ZDHHC13: variants seen among roughly 807,000 people sequenced by gnomAD.
ZDHHC13 encodes the protein palmitoyltransferase ZDHHC13.
A neutral mutation model predicts 86.0 loss-of-function variants in ZDHHC13; 85 were observed. The observed-to-expected ratio is 0.99, with a 90% CI of 0.83 to 1.18. The LOEUF (loss-of-function observed/expected upper bound fraction) is 1.18. Among genes scored for constraint, ZDHHC13 ranks in the 50% most tolerant of loss-of-function variants. ZDHHC13 has a pLI of 0.00. For synonymous variants in ZDHHC13, 263 were observed against 246.4 expected (o/e 1.07, Z -0.63); for missense variants, 711 against 730.2 (o/e 0.97, Z 0.30).
intron 13 of ZDHHC13, 104 bp downstream of exon 13, chr11:19,165,249 T>G: frequency 9.5e-7 from 1 of 1,051,892 alleles, no homozygotes; most frequent in Non-Finnish European, 1.4e-6. Context: ...TTTTCAATAT[T>G]CTAGTATTCC....
intron 1 of ZDHHC13, among the ~76,000 whole-genome samples, chr11:19,125,721 C>T (rs7129212): frequency 0.63 from 96,311 of 152,034 alleles, 31,792 homozygotes; most frequent in Admixed American, 0.75. Context: ...TTATCTGTGA[C>T]GCACCCATAT....
chr11:19,118,544 C>G (rs1848695300), intron 1 of ZDHHC13, among the ~76,000 whole-genome samples: 2 of 152,218 alleles, frequency 1.3e-5, no homozygotes, highest in Admixed American at 1.3e-4. Flanking sequence ...ATTACTGCCA[C>G]TCATTTACAG....
Position 19,147,678 on chromosome 11 carries a change from G to T in ZDHHC13, c.374+5G>T. On this transcript the variant is annotated splice_donor_5th_base_variant and intron_variant, in intron 4 of 16. Transcript: ENST00000446113. ...TCCTCTTCACTGGGCCATCCGGTAA[G>T]GTTTCTTTGAACACTGAAATTAAAT... The T allele has an allele frequency of 6.3e-7, 1 of 1,588,638 alleles. No individual in the cohort carries two copies. Among genetic ancestry groups the T allele is most frequent in the East Asian group, 2.3e-5 (1 of 44,168 alleles).
In ZDHHC13 at chr11:19,136,258, G is replaced by T. The variant is rs544015594; in HGVS notation, c.28-6720G>T. Reference sequence around the variant, plus strand: ...CTGATGGAGCTGAAAACCAAGGCTCGAGAACTACATGAAGAATGCAGAAGC... The same window carrying T: ...CTGATGGAGCTGAAAACCAAGGCTCTAGAACTACATGAAGAATGCAGAAGC... On this transcript the variant is annotated intron_variant, in intron 1 of 16. Transcript: ENST00000446113. Among the ~76,000 whole-genome samples the T allele has an allele frequency of 3.9e-5, 6 of 152,240 alleles. No individual in the cohort carries two copies. The East Asian group carries it at 1.2e-3, about 29-fold the overall frequency.
intron 9 of ZDHHC13, 136 bp downstream of exon 9, chr11:19,156,065 G>A: frequency 8.9e-7 from 1 of 1,118,638 alleles, no homozygotes; most frequent in Non-Finnish European, 1.2e-6. Context: ...TCCTGCGGGT[G>A]GATGGGAGGA....
At chr11:19,143,548 T>C (rs1849380231) in intron 2 of ZDHHC13, among the ~76,000 whole-genome samples, 3 of 152,236 alleles carry the variant, frequency 2.0e-5, no homozygotes, top group Admixed American at 2.0e-4. Context: ...ACTTACACAT[T>C]TATAGATATT....
intron 1 of ZDHHC13, among the ~76,000 whole-genome samples, chr11:19,132,856 T>C (rs868727712): frequency 5.3e-5 from 8 of 152,208 alleles, no homozygotes; most frequent in African/African-American, 1.9e-4. Context: ...TGTTCACTTT[T>C]CTAGGTTTCT....
intron 10 of ZDHHC13, among the ~76,000 whole-genome samples, chr11:19,160,187 C>G (rs1015442833): frequency 6.6e-6 from 1 of 151,872 alleles, no homozygotes; most frequent in South Asian, 2.1e-4. Flanking sequence ...CCTTTATGCT[C>G]CTTTTTATTT....
At chr11:19,164,744 G>T (rs1850010795) in intron 12 of ZDHHC13, 2 of 431,160 alleles carry the variant, frequency 4.6e-6, no homozygotes, top group East Asian at 8.6e-5. Context: ...ATTATTGGTG[G>T]TGCTAAAAAT....
intron 10 of ZDHHC13, among the ~76,000 whole-genome samples, chr11:19,162,374 G>A (rs1435828404): frequency 6.6e-6 from 1 of 152,118 alleles, no homozygotes; most frequent in African/African-American, 2.4e-5. Flanking sequence ...ACATCTGAGT[G>A]CCTTAGATAA....
At chr11:19,154,475 A>G (rs999849275) in intron 8 of ZDHHC13, among the ~76,000 whole-genome samples, 2 of 152,218 alleles carry the variant, frequency 1.3e-5, no homozygotes, top group Admixed American at 1.3e-4. Flanking sequence ...ATCCACTCCT[A>G]GATATGGCGT....
At position 19,143,013 on chromosome 11, in the gene ZDHHC13, A is replaced by C. The variant is rs1462247151; in HGVS notation, c.63A>C (p.Gly21=). The change falls in exon 2 of 17, where the codon GGA becomes GGC. Residue 21 remains glycine (G), a synonymous_variant. Transcript: ENST00000446113. ...ACAGCCATGGCCCCCACCCTCCAGG[A>C]TTTGGTCGATATGGCATCTGTGCAC... is the stretch of plus-strand genomic sequence containing the variant. ...RNHSHGPHPP[G]FGRYGICAHE... The C allele has an allele frequency of 6.2e-7, 1 of 1,611,618 alleles. No homozygotes were observed. Among genetic ancestry groups the C allele is most frequent in the African/African-American group, 1.3e-5 (1 of 74,870 alleles).
intron 1 of ZDHHC13, among the ~76,000 whole-genome samples, chr11:19,134,583 C>T (rs1221840617): frequency 1.3e-5 from 2 of 152,084 alleles, no homozygotes; most frequent in East Asian, 3.9e-4. Context: ...TGGAAACCAT[C>T]ATTCTCAGCA....
At chr11:19,144,432 A>AGAGTGTGT (rs377410572) in intron 2 of ZDHHC13, among the ~76,000 whole-genome samples, 5 of 143,174 alleles carry the variant, frequency 3.5e-5, no homozygotes, top group African/African-American at 1.3e-4. Flanking sequence ...AGAGCTATGG[A>AGAGTGTGT]GTGTGTGTGT....
At chr11:19,130,200 T>A (rs1848965336) in intron 1 of ZDHHC13, among the ~76,000 whole-genome samples, 1 of 152,200 alleles carries the variant, frequency 6.6e-6, no homozygotes, top group Non-Finnish European at 1.5e-5. Flanking sequence ...GGTCTGAAAT[T>A]TTTTATGAGA....
chr11:19,158,681 T>C (rs1849824467), intron 9 of ZDHHC13, among the ~76,000 whole-genome samples: 1 of 152,162 alleles, frequency 6.6e-6, no homozygotes, highest in East Asian at 1.9e-4. Context: ...AATTAAATAT[T>C]GTATGAGTTG....
chr11:19,175,261 G>A (rs1414164069), intron 16 of ZDHHC13, among the ~76,000 whole-genome samples: 1 of 151,578 alleles, frequency 6.6e-6, no homozygotes, highest in Non-Finnish European at 1.5e-5. Flanking sequence ...GTGGTGGTGG[G>A]CGCCTATAGT....
At chr11:19,154,341 G>C (rs1431267162) in intron 8 of ZDHHC13, among the ~76,000 whole-genome samples, 2 of 151,920 alleles carry the variant, frequency 1.3e-5, no homozygotes, top group Admixed American at 1.3e-4. Flanking sequence ...TCTTATCTCT[G>C]TTCTGAGATT....
At chr11:19,149,472 G>T (rs1284244391) in intron 5 of ZDHHC13, 141 bp downstream of exon 5, 1 of 876,332 alleles carries the variant, frequency 1.1e-6, no homozygotes, top group Non-Finnish European at 1.6e-6. Flanking sequence ...AGTACGTTTA[G>T]CCATTGAATA....
Sources: allele counts gnomAD v4.1 joint callset (sites outside exome capture counted in the v4.1 genomes callset), GRCh38; gene constraint gnomAD v4.1.1; transcripts MANE v1.5; gene names NCBI Gene and HGNC (gene_info 2026-07-23, HGNC 2026-07-21).